Variants in PPIL6 observed in about 807,000 individuals in gnomAD.
PPIL6 encodes probable inactive peptidyl-prolyl cis-trans isomerase-like 6.
In PPIL6, 39 loss-of-function variants were observed where a neutral mutation model predicts 36.8. The observed-to-expected ratio is 1.06, with a 90% CI of 0.82 to 1.38. PPIL6 has a LOEUF of 1.38. Ranked by LOEUF, PPIL6 falls within the 40% of genes most tolerant of loss-of-function variation. The probability of loss-of-function intolerance (pLI) is 0.00; values close to 1 mark genes in which losing one functional copy is unlikely to be tolerated. For synonymous variants in PPIL6, 123 were observed against 134.1 expected (o/e 0.92, Z 0.57); for missense variants, 368 against 379.1 (o/e 0.97, Z 0.24).
At chr6:109,395,700 G>C (rs1772271519) in intron 7 of PPIL6, among the ~76,000 whole-genome samples, 1 of 151,352 alleles carries the variant, frequency 6.6e-6, no homozygotes, top group South Asian at 2.1e-4. Flanking sequence ...TGCCTCCCAG[G>C]TTCAAGCGAT....
At chr6:109,412,743 G>T (rs1316596783) in intron 6 of PPIL6, among the ~76,000 whole-genome samples, 2 of 152,154 alleles carry the variant, frequency 1.3e-5, no homozygotes, top group Non-Finnish European at 2.9e-5. Flanking sequence ...AATCAAAATG[G>T]ATTAAAGACT....
chr6:109,405,610 T>C (rs1276738787), intron 6 of PPIL6, among the ~76,000 whole-genome samples: 2 of 152,144 alleles, frequency 1.3e-5, no homozygotes, highest in African/African-American at 4.8e-5. Flanking sequence ...GGGAAAGCCT[T>C]GTACATTATG....
At chr6:109,406,993 T>C (rs988674074) in intron 6 of PPIL6, among the ~76,000 whole-genome samples, 7 of 152,292 alleles carry the variant, frequency 4.6e-5, no homozygotes, top group East Asian at 1.9e-4. Context: ...TGCTATCTAA[T>C]AGAACATGAG....
At chr6:109,406,898 T>A (rs1335146932) in intron 6 of PPIL6, among the ~76,000 whole-genome samples, 1 of 152,190 alleles carries the variant, frequency 6.6e-6, no homozygotes, top group African/African-American at 2.4e-5. Context: ...TCAAATTGGC[T>A]CCTGAGGCCT....
intron 6 of PPIL6, among the ~76,000 whole-genome samples, chr6:109,409,418 G>T (rs1772925397): frequency 6.6e-6 from 1 of 152,040 alleles, no homozygotes; most frequent in South Asian, 2.1e-4. Context: ...AAAAAAATTA[G>T]CCAGGCAGGG....
intron 1 of PPIL6, among the ~76,000 whole-genome samples, chr6:109,439,184 G>C (rs992862654): frequency 2.0e-4 from 30 of 151,822 alleles, no homozygotes; most frequent in Non-Finnish European, 3.5e-4. Context: ...AAAAAAAAGA[G>C]AAAAAAAATC....
chr6:109,438,152 T>C (rs1774557429), intron 1 of PPIL6, among the ~76,000 whole-genome samples: 1 of 152,108 alleles, frequency 6.6e-6, no homozygotes, highest in Non-Finnish European at 1.5e-5. Context: ...AGCATATCCA[T>C]CATCTCAAAC....
chr6:109,434,917 A>C (rs1421641012), intron 2 of PPIL6, among the ~76,000 whole-genome samples: 2 of 152,168 alleles, frequency 1.3e-5, no homozygotes, highest in Admixed American at 6.5e-5. Context: ...CAACAGGAAA[A>C]CTATCATCCC....
At chr6:109,426,803 C>A in intron 5 of PPIL6, 44 bp downstream of exon 5, 2 of 1,335,200 alleles carry the variant, frequency 1.5e-6, no homozygotes, top group South Asian at 3.3e-5. Flanking sequence ...TGGACCTTCT[C>A]ATTTGATATT....
At chr6:109,437,035 T>C (rs1774486246) in intron 1 of PPIL6, among the ~76,000 whole-genome samples, 1 of 152,216 alleles carries the variant, frequency 6.6e-6, no homozygotes, top group Admixed American at 6.5e-5. Context: ...TTATACCCCT[T>C]AGGAAAAAGA....
rs1772054857 is a variant in PPIL6 at position 109,390,373 on chromosome 6, C to T, written c.*2453G>A. The T allele has an allele frequency of 6.6e-6, 1 of 152,208 alleles. No individual in the cohort carries two copies. The highest frequency in any genetic ancestry group is 1.5e-5 in the Non-Finnish European group (1 of 68,044). 9.4% of individuals were successfully genotyped at this position (152,208 alleles called of 1,614,324 possible). A position where few individuals can be genotyped will look rare whatever the true frequency, so the allele number is the denominator to read the frequency against. On this transcript the variant is annotated 3_prime_UTR_variant, in exon 8 of 8. Coordinates refer to ENST00000521072, the MANE Select transcript of PPIL6 (RefSeq NM_173672.5). ...TTTCTCAGATGAAGGAATTGAGGCA[C>T]AGAAAAGTTCTTGCCTGAGTTTGTG...
chr6:109,431,128 A>G (rs778851946), intron 3 of PPIL6, 29 bp downstream of exon 3: 7 of 1,509,912 alleles, frequency 4.6e-6, no homozygotes, highest in South Asian at 2.4e-5. Flanking sequence ...AGATTCCACA[A>G]TTTTTCTTTA....
intron 5 of PPIL6, among the ~76,000 whole-genome samples, chr6:109,421,310 A>T (rs1773529358): frequency 6.6e-6 from 1 of 152,258 alleles, no homozygotes; most frequent in Admixed American, 6.5e-5. Flanking sequence ...TTCTGACAAC[A>T]AATTCAGAGA....
At chr6:109,408,478 T>C (rs1384170928) in intron 6 of PPIL6, among the ~76,000 whole-genome samples, 2 of 152,218 alleles carry the variant, frequency 1.3e-5, no homozygotes, top group Admixed American at 1.3e-4. Context: ...ACTTGAGATA[T>C]ATAAATATTT....
intron 6 of PPIL6, among the ~76,000 whole-genome samples, chr6:109,408,480 T>C (rs543644067): frequency 6.6e-6 from 1 of 152,322 alleles, no homozygotes; most frequent in Admixed American, 6.5e-5. Flanking sequence ...TTGAGATATA[T>C]AAATATTTTT....
intron 1 of PPIL6, among the ~76,000 whole-genome samples, chr6:109,439,986 T>C (rs1774712163): frequency 6.6e-6 from 1 of 152,210 alleles, no homozygotes; most frequent in Admixed American, 6.5e-5. Flanking sequence ...GTGACGGCTC[T>C]ATAAAATTCA....
rs1372813849 is a variant in PPIL6, at chr6:109,413,021, AGTTATGTGCG to A, written c.688+6156_688+6165del. On this transcript the variant is annotated intron_variant, in intron 6 of 7. Transcript: ENST00000521072. This position sits in a 1 kb window ranked among gnomAD's most constrained non-coding sequence, Gnocchi z 4.6. Reference sequence around the variant, plus strand: ...AAAAATACAAAAATTAGCCAGGTGTAGTTATGTGCGCCTCTAATCCCAGCTATTTGGGAGG... The same window carrying A: ...AAAAATACAAAAATTAGCCAGGTGTACCTCTAATCCCAGCTATTTGGGAGG... Among the ~76,000 whole-genome samples the A allele has an allele frequency of 2.0e-4, 31 of 152,024 alleles. No homozygotes were observed. The highest frequency in any genetic ancestry group is 4.4e-4 in the Non-Finnish European group (30 of 68,002).
intron 6 of PPIL6, among the ~76,000 whole-genome samples, chr6:109,400,588 C>G (rs1772487355): frequency 6.6e-6 from 1 of 152,150 alleles, no homozygotes; most frequent in African/African-American, 2.4e-5. Context: ...TCCCCCGAAC[C>G]CCCCAAGCAT....
intron 3 of PPIL6, among the ~76,000 whole-genome samples, chr6:109,429,385 T>C (rs1266124009): frequency 1.3e-5 from 2 of 152,254 alleles, no homozygotes; most frequent in African/African-American, 4.8e-5. Context: ...ATCCAACTCC[T>C]TCGTTCAGAT....
Sources: allele counts gnomAD v4.1 joint callset (sites outside exome capture counted in the v4.1 genomes callset), GRCh38; gene constraint gnomAD v4.1.1; non-coding constraint Gnocchi (gnomAD v3.1); transcripts MANE v1.5; gene names NCBI Gene and HGNC (gene_info 2026-07-23, HGNC 2026-07-21).